Variants in PHACTR3 observed in about 807,000 individuals in gnomAD.
PHACTR3 encodes the protein phosphatase and actin regulator 3, also known as protein phosphatase 1, regulatory subunit 123.
Under a neutral mutation model 66.8 loss-of-function variants are expected in PHACTR3, and 16 were observed. That is an observed-to-expected ratio of 0.24 (90% confidence interval 0.16 to 0.36). The LOEUF is 0.36. Among genes scored for constraint, PHACTR3 ranks in the 10% least tolerant of loss-of-function variants. The pLI, the probability that PHACTR3 is intolerant of heterozygous loss-of-function variation, is 1.00. For synonymous variants in PHACTR3, 323 were observed against 292.1 expected (o/e 1.11, Z -1.08); for missense variants, 647 against 719.9 (o/e 0.90, Z 1.16).
At position 59,820,536 on chromosome 20, in the gene PHACTR3, G is replaced by A. The variant is rs1415638888; in HGVS notation, c.1328+14342G>A. Among the ~76,000 whole-genome samples, 1 of 152,196 alleles carries A rather than the reference G, an allele frequency of 6.6e-6. No homozygotes were observed. The highest frequency in any genetic ancestry group is 1.5e-5 in the Non-Finnish European group (1 of 68,040). ...AATATGACGCTTCATCGTCTTGGGTGGAAGTCCCCGTGTACAGGGAGGGAA... is the reference window on the plus strand; with the variant it reads ...AATATGACGCTTCATCGTCTTGGGTAGAAGTCCCCGTGTACAGGGAGGGAA... On this transcript the variant is annotated intron_variant, in intron 8 of 12. Transcript: ENST00000371015. The surrounding 1 kb of genome is among the most constrained non-coding windows in gnomAD (Gnocchi z 4.6).
chr20:59,719,268 C>G (rs2038203802), intron 1 of PHACTR3, among the ~76,000 whole-genome samples: 1 of 152,146 alleles, frequency 6.6e-6, no homozygotes, highest in African/African-American at 2.4e-5. Flanking sequence ...CGGGTTCAAG[C>G]AATTCTCTGC....
intron 1 of PHACTR3, among the ~76,000 whole-genome samples, chr20:59,581,134 A>G (rs1421438793): frequency 6.6e-6 from 1 of 152,256 alleles, no homozygotes; most frequent in African/African-American, 2.4e-5. Flanking sequence ...ACTGGGGGTC[A>G]CAAACGCCAG....
In PHACTR3 at chr20:59,699,690, G is replaced by A. The variant is rs541382052; in HGVS notation, c.119-43417G>A. Among the ~76,000 whole-genome samples the A allele has an allele frequency of 5.3e-5, 8 of 152,252 alleles. No homozygotes were observed. In the East Asian group the frequency reaches 7.7e-4, roughly 15 times the overall value. ...GATAGTGAAAAGTCTGTGGCCGGGC[G>A]CGGTGGCTCACACCTGTAATCCAAG... On this transcript the variant is annotated intron_variant, in intron 1 of 12. Coordinates refer to ENST00000371015, the MANE Select transcript of PHACTR3 (RefSeq NM_080672.5).
upstream of PHACTR3, chr20:59,603,810 C>G (rs1207614749): frequency 6.7e-6 from 1 of 149,610 alleles, no homozygotes; most frequent in African/African-American, 2.6e-5. Context: ...ACCATTCCAC[C>G]CCCGTCTCTA....
At chr20:59,735,661 C>T (rs1382582478) in intron 1 of PHACTR3, among the ~76,000 whole-genome samples, 2 of 152,158 alleles carry the variant, frequency 1.3e-5, no homozygotes, top group South Asian at 2.1e-4. Context: ...ACTCCGGATT[C>T]ACAGGGTCGA....
At chr20:59,594,696 G>T (rs1403734458) in intron 1 of PHACTR3, among the ~76,000 whole-genome samples, 7 of 152,030 alleles carry the variant, frequency 4.6e-5, no homozygotes, top group African/African-American at 1.7e-4. Flanking sequence ...AGTTAAGCTG[G>T]CTACAGACTT....
In PHACTR3 at chr20:59,743,133, C is replaced by T. The variant is rs371681686; in HGVS notation, c.145C>T (p.Arg49Cys). The T allele has an allele frequency of 1.5e-5, 24 of 1,613,834 alleles. No homozygotes were observed. The highest frequency in any genetic ancestry group is 9.3e-5 in the African/African-American group (7 of 74,912). ...PDEMDQTPPA[R>C]PEYLVSGIRT... The stretch of plus-strand genomic sequence containing the variant: ...TGAGATGGACCAAACGCCCCCGGCG[C>T]GTCCTGAATATCTGGTCTCAGGGAT... The change falls in exon 2 of 13, where the codon CGT becomes TGT. Residue 49 changes from arginine (R) to cysteine (C), a missense_variant. This residue lies in a region of PHACTR3 where 577 missense variants were observed against 571.1 expected (regional missense o/e 1.01). Coordinates refer to ENST00000371015, the MANE Select transcript of PHACTR3 (RefSeq NM_080672.5).
intron 1 of PHACTR3, among the ~76,000 whole-genome samples, chr20:59,624,872 A>G (rs1051537684): frequency 6.6e-6 from 1 of 152,236 alleles, no homozygotes; most frequent in African/African-American, 2.4e-5. Flanking sequence ...TGTATCACTA[A>G]TGAACCACTC....
chr20:59,823,967 C>T (rs1330941260), intron 8 of PHACTR3, among the ~76,000 whole-genome samples: 1 of 152,190 alleles, frequency 6.6e-6, no homozygotes, highest in African/African-American at 2.4e-5. Context: ...GCTGGTGTGG[C>T]CAGGCAGTTC....
intron 8 of PHACTR3, among the ~76,000 whole-genome samples, chr20:59,822,489 A>C (rs1392044131): frequency 6.6e-6 from 1 of 151,236 alleles, no homozygotes; most frequent in Non-Finnish European, 1.5e-5. Flanking sequence ...CTATGGCTAG[A>C]CACGGGAAGG....
chr20:59,583,835 G>A (rs1459501484), intron 1 of PHACTR3, among the ~76,000 whole-genome samples: 4 of 152,300 alleles, frequency 2.6e-5, no homozygotes, highest in South Asian at 2.1e-4. Flanking sequence ...GTGACCTTGT[G>A]GCCTAGATGA....
At chr20:59,702,606 A>G (rs2037546781) in intron 1 of PHACTR3, among the ~76,000 whole-genome samples, 1 of 152,188 alleles carries the variant, frequency 6.6e-6, no homozygotes, top group Non-Finnish European at 1.5e-5. Context: ...CCACCTCTGG[A>G]ATGTCAGCTT....
intron 7 of PHACTR3, among the ~76,000 whole-genome samples, chr20:59,802,232 C>T (rs1044800468): frequency 6.6e-6 from 1 of 152,056 alleles, no homozygotes; most frequent in South Asian, 2.1e-4. Context: ...AATCTCGAGC[C>T]AGTAGCAGTT....
chr20:59,774,919 C>T (rs180782273), intron 7 of PHACTR3, among the ~76,000 whole-genome samples: 48 of 151,460 alleles, frequency 3.2e-4, no homozygotes, highest in African/African-American at 1.1e-3. Flanking sequence ...TAAAGCAGGA[C>T]GAGATGGAAG....
At chr20:59,605,958 A>G (rs1440995933) in intron 1 of PHACTR3, among the ~76,000 whole-genome samples, 2 of 152,088 alleles carry the variant, frequency 1.3e-5, no homozygotes, top group East Asian at 3.9e-4. Context: ...TTCACTTCAC[A>G]GGGAGAAGTC....
At chr20:59,795,183 T>C (rs368344805) in intron 7 of PHACTR3, among the ~76,000 whole-genome samples, 48 of 152,220 alleles carry the variant, frequency 3.2e-4, no homozygotes, top group African/African-American at 9.6e-4. Context: ...GTTTGGTATG[T>C]TTTTACTTTT....
chr20:59,847,316 C>CT lies in PHACTR3; in HGVS notation c.*188dup, dbSNP rs1354314861. 2.2e-6 allele frequency: 1 copy of CT among 464,580 alleles called. No individual in the cohort carries two copies. Among genetic ancestry groups the CT allele is most frequent in the Non-Finnish European group, 4.0e-6 (1 of 251,522 alleles). The allele number at this position is 464,580 out of a possible 1,614,324, so 28.8% of individuals were successfully genotyped here. A position where few individuals can be genotyped will look rare whatever the true frequency, so the allele number is the denominator to read the frequency against. On this transcript the variant is annotated 3_prime_UTR_variant, in exon 13 of 13. Transcript: ENST00000371015. ...GCAAGAGGAGTAACCAGAGGACACA[C>CT]TTCCTTCCTTCTTTGGTGTCTGAGG...
intron 1 of PHACTR3, among the ~76,000 whole-genome samples, chr20:59,676,033 C>A (rs913127207): frequency 2.0e-5 from 3 of 152,212 alleles, no homozygotes; most frequent in Non-Finnish European, 4.4e-5. Context: ...TCCTTCTTGC[C>A]TCCTGAGGTC....
chr20:59,845,090 G>A, intron 11 of PHACTR3, 99 bp from the exon 12 acceptor site: 2 of 725,620 alleles, frequency 2.8e-6, no homozygotes, highest in South Asian at 3.8e-5. Context: ...TTACATAATA[G>A]AGTCAACAAG....
Sources: allele counts gnomAD v4.1 joint callset (sites outside exome capture counted in the v4.1 genomes callset), GRCh38; gene constraint gnomAD v4.1.1; regional missense constraint gnomAD v4.1.1; non-coding constraint Gnocchi (gnomAD v3.1); transcripts MANE v1.5; gene names NCBI Gene and HGNC (gene_info 2026-07-23, HGNC 2026-07-21).